Variants in CHRNA3 observed in about 807,000 individuals in gnomAD.
CHRNA3 encodes neuronal acetylcholine receptor subunit alpha-3.
A neutral mutation model predicts 41.9 loss-of-function variants in CHRNA3; 34 were observed. The observed-to-expected ratio is 0.81, with a 90% CI of 0.62 to 1.08. CHRNA3 has a LOEUF of 1.08. Among genes scored for constraint, CHRNA3 ranks in the 50% least tolerant of loss-of-function variants. The probability of loss-of-function intolerance (pLI) is 0.00; values close to 1 mark genes in which losing one functional copy is unlikely to be tolerated. For missense variants in CHRNA3, 542 were observed against 638.3 expected, an observed-to-expected ratio of 0.85 and a Z score of 1.63; for synonymous variants, 281 against 265.2, an observed-to-expected ratio of 1.06 and a Z score of -0.58.
chr15:78,600,800 G>A (rs923176538), intron 5 of CHRNA3, among the ~76,000 whole-genome samples: 7 of 152,022 alleles, frequency 4.6e-5, no homozygotes, highest in South Asian at 2.1e-4. Context: ...GCTGGGAGGC[G>A]GAAGTTGCAG....
chr15:78,595,958 A>G lies in CHRNA3; in HGVS notation c.*646T>C, dbSNP rs1485878672. 1.3e-6 allele frequency: 1 copy of G among 781,260 alleles called. No individual in the cohort carries two copies. Among genetic ancestry groups the G allele is most frequent in the African/African-American group, 1.9e-5 (1 of 52,790 alleles). 48.4% of individuals were successfully genotyped at this position (781,260 alleles called of 1,614,324 possible). A position where few individuals can be genotyped will look rare whatever the true frequency, so the allele number is the denominator to read the frequency against. The stretch of plus-strand genomic sequence containing the variant: ...TGGTGCCTTGACCTTGGACCTCCCA[A>G]CCTCCAAAACTGAGAAGTTTCTGTT... On this transcript the variant is annotated 3_prime_UTR_variant, in exon 6 of 6. Transcript: ENST00000326828.
intron 4 of CHRNA3, among the ~76,000 whole-genome samples, chr15:78,613,715 T>TATA (rs954837247): frequency 1.6e-5 from 2 of 128,136 alleles, no homozygotes; most frequent in Non-Finnish European, 3.3e-5. Flanking sequence ...AAACTTAAAG[T>TATA]ATAATAATAA....
intron 4 of CHRNA3, among the ~76,000 whole-genome samples, chr15:78,609,140 T>A (rs1160089003): frequency 2.0e-5 from 3 of 152,156 alleles, no homozygotes; most frequent in Admixed American, 6.5e-5. Context: ...TGGAACCAAG[T>A]TGGAAAACAC....
At chr15:78,598,284 G>GT (rs1348138353) in intron 5 of CHRNA3, among the ~76,000 whole-genome samples, 5 of 152,138 alleles carry the variant, frequency 3.3e-5, no homozygotes, top group African/African-American at 9.7e-5. Flanking sequence ...TGATACTAAT[G>GT]TTGATTTATA....
intron 1 of CHRNA3, 91 bp from the exon 2 acceptor site, chr15:78,619,006 C>T: frequency 7.0e-7 from 1 of 1,422,066 alleles, no homozygotes; most frequent in South Asian, 1.3e-5. Flanking sequence ...CTACAGCATC[C>T]CCTCCACCTG....
rs755132539 is a variant in CHRNA3 at position 78,602,217 on chromosome 15, T to C, written c.425A>G (p.Lys142Arg). Residue 142 changes from lysine (K) to arginine (R), a missense_variant, in exon 5 of 6, where the codon AAG (lysine) becomes AGG (arginine). By Grantham distance (26) the Lys-to-Arg change is conservative. Transcript: ENST00000326828. ...QVDDKTKALL[K>R]YTGEVTWIPP... Reference sequence around the variant, plus strand: ...TATCCAAGTCACCTCCCCAGTGTACTTGAGTAAGGCTTTGGTCTTGTCGTC... The same window carrying C: ...TATCCAAGTCACCTCCCCAGTGTACCTGAGTAAGGCTTTGGTCTTGTCGTC... 1.2e-6 allele frequency: 2 copies of C among 1,614,136 alleles called. No homozygotes were observed. Among genetic ancestry groups the C allele is most frequent in the Non-Finnish European group, 1.7e-6 (2 of 1,180,020 alleles).
intron 3 of CHRNA3, among the ~76,000 whole-genome samples, chr15:78,617,781 G>A (rs1350323039): frequency 6.6e-6 from 1 of 152,162 alleles, no homozygotes; most frequent in Non-Finnish European, 1.5e-5. Context: ...TGCTCAGCTG[G>A]CCAGGCTGGC....
intron 4 of CHRNA3, among the ~76,000 whole-genome samples, chr15:78,610,285 C>T (rs931094716): frequency 1.3e-5 from 2 of 152,142 alleles, no homozygotes; most frequent in African/African-American, 4.8e-5. Context: ...TTTTTCAGCA[C>T]CACACCACAC....
Position 78,620,711 on chromosome 15 carries a change from A to G in CHRNA3, c.82+2T>C. The G allele has an allele frequency of 1.3e-6, 2 of 1,498,020 alleles. No homozygotes were observed. The highest frequency in any genetic ancestry group is 2.8e-5 in the East Asian group (1 of 35,638). 92.8% of individuals were successfully genotyped at this position (1,498,020 alleles called of 1,614,324 possible). A position where few individuals can be genotyped will look rare whatever the true frequency, so the allele number is the denominator to read the frequency against. Reference sequence around the variant, plus strand: ...CCGGAGCCCTAACGCCTGTGCGCGTACCTGGCAGCAGAGACAGCAGCAGCA... The same window carrying G: ...CCGGAGCCCTAACGCCTGTGCGCGTGCCTGGCAGCAGAGACAGCAGCAGCA... On this transcript the variant is annotated splice_donor_variant, in intron 1 of 5. Transcript: ENST00000326828. LOFTEE classifies it high-confidence loss of function.
At chr15:78,601,176 A>G in intron 5 of CHRNA3, 77 bp downstream of exon 5, 2 of 1,465,642 alleles carry the variant, frequency 1.4e-6, no homozygotes, top group South Asian at 2.6e-5. Context: ...CCCCTACCCT[A>G]TGCCTTGCCC....
At chr15:78,611,297 T>C (rs1367642048) in intron 4 of CHRNA3, among the ~76,000 whole-genome samples, 2 of 152,118 alleles carry the variant, frequency 1.3e-5, no homozygotes, top group Non-Finnish European at 2.9e-5. Flanking sequence ...ATATCCTTGA[T>C]GAACATTGAT....
At chr15:78,605,088 G>A (rs1204400936) in intron 4 of CHRNA3, among the ~76,000 whole-genome samples, 1 of 152,072 alleles carries the variant, frequency 6.6e-6, no homozygotes, top group Admixed American at 6.6e-5. Flanking sequence ...GCAATGTACT[G>A]CCAAACCATG....
At chr15:78,599,152 T>G (rs2053157898) in intron 5 of CHRNA3, among the ~76,000 whole-genome samples, 1 of 152,066 alleles carries the variant, frequency 6.6e-6, no homozygotes, top group Admixed American at 6.6e-5. Flanking sequence ...ATTTTTAAAT[T>G]TTTTTTGTAG....
intron 4 of CHRNA3, among the ~76,000 whole-genome samples, chr15:78,613,268 CACGT>C (rs1459627108): frequency 6.6e-6 from 1 of 152,098 alleles, no homozygotes; most frequent in Admixed American, 6.6e-5. Flanking sequence ...GACACATGCA[CACGT>C]ATGTTTATTG....
intron 1 of CHRNA3, 110 bp downstream of exon 1, chr15:78,620,603 C>A: frequency 7.1e-7 from 1 of 1,399,180 alleles, no homozygotes; most frequent in Non-Finnish European, 9.2e-7. Flanking sequence ...CCGGCGACGG[C>A]GCCAGCCCTC....
In CHRNA3 at chr15:78,602,090, C is replaced by A. The variant is rs201993014; in HGVS notation, c.552G>T (p.Lys184Asn). Residue 184 changes from lysine (K) to asparagine (N), a missense_variant, in exon 5 of 6, where the codon AAG (lysine) becomes AAT (asparagine). Coordinates refer to ENST00000326828, the MANE Select transcript of CHRNA3 (RefSeq NM_000743.5). ...TMKFGSWSYD[K>N]AKIDLVLIGS... ...CGATCAGGACCAGATCGATTTTCGC[C>A]TTATCGTAGGACCAGGAACCGAACT... The A allele has an allele frequency of 5.0e-6, 8 of 1,614,038 alleles. No homozygotes were observed. The Admixed American group carries it at 1.2e-4, about 24-fold the overall frequency.
rs764603730 is a variant in CHRNA3 at position 78,601,907 on chromosome 15, G to A, written c.735C>T (p.Thr245=). Reference sequence around the variant, plus strand: ...GCAGGCAGGGGATGATGAGGTTGATGGTGTAGAACAAGGGCAGGCGCCGGA... The same window carrying A: ...GCAGGCAGGGGATGATGAGGTTGATAGTGTAGAACAAGGGCAGGCGCCGGA... ...LYIRRLPLFY[T]INLIIPCLLI... is the part of the protein sequence containing the mutation. The change falls in exon 5 of 6, where the codon ACC becomes ACT. Residue 245 remains threonine, a synonymous_variant. Transcript: ENST00000326828. 5 of 1,613,914 alleles carry A rather than the reference G, an allele frequency of 3.1e-6. No individual in the cohort carries two copies. The highest frequency in any genetic ancestry group is 4.2e-6 in the Non-Finnish European group (5 of 1,179,874).
Position 78,616,190 on chromosome 15 carries a change from T to C in CHRNA3, c.377+834A>G, listed in dbSNP as rs549741759. Among the ~76,000 whole-genome samples, 19 of 151,774 alleles carry C rather than the reference T, an allele frequency of 1.3e-4. 1 individual carries two copies. In the East Asian group the frequency reaches 3.0e-3, roughly 24 times the overall value. On this transcript the variant is annotated intron_variant, in intron 4 of 5. Transcript: ENST00000326828. Reference sequence around the variant, plus strand: ...CAACATGGCAAAACCCCATCTCTACTGAAAAATACAAAATTAGCCAGGTGT... The same window carrying C: ...CAACATGGCAAAACCCCATCTCTACCGAAAAATACAAAATTAGCCAGGTGT...
intron 4 of CHRNA3, among the ~76,000 whole-genome samples, chr15:78,613,792 A>G (rs1272313778): frequency 6.6e-6 from 1 of 151,490 alleles, no homozygotes; most frequent in Non-Finnish European, 1.5e-5. Context: ...AAAACCACAA[A>G]AAAATTAGCC....
Sources: allele counts gnomAD v4.1 joint callset (sites outside exome capture counted in the v4.1 genomes callset), GRCh38; gene constraint gnomAD v4.1.1; transcripts MANE v1.5; gene names NCBI Gene and HGNC (gene_info 2026-07-23, HGNC 2026-07-21).